The following LONRF1 variants were observed in gnomAD, a reference collection of about 807,000 sequenced individuals.
LONRF1 encodes LON peptidase N-terminal domain and RING finger protein 1.
In LONRF1, 37 loss-of-function variants were observed where a neutral mutation model predicts 85.8. The ratio of observed to expected loss-of-function variants is 0.43; its 90% CI spans 0.33 to 0.57. LONRF1 has a LOEUF of 0.57. Among genes scored for constraint, LONRF1 ranks in the 20% least tolerant of loss-of-function variants. The pLI, the probability that LONRF1 is intolerant of heterozygous loss-of-function variation, is 0.04. For synonymous variants in LONRF1, 517 were observed against 390.1 expected, an observed-to-expected ratio of 1.33 and a Z score of -3.83; for missense variants, 1,036 against 978.0, an observed-to-expected ratio of 1.06 and a Z score of -0.79.
At chr8:12,731,122 C>T (rs1798513079) in intron 8 of LONRF1, among the ~76,000 whole-genome samples, 1 of 152,144 alleles carries the variant, frequency 6.6e-6, no homozygotes, top group South Asian at 2.1e-4. Flanking sequence ...ACAAGCAATG[C>T]CTGGCCCTGC....
rs878915211 is a variant in LONRF1, at chr8:12,740,807, C to CT, written c.963+66dup. 2.1e-3 allele frequency: 2,828 copies of CT among 1,366,630 alleles called. 1 individual carries two copies. The highest frequency in any genetic ancestry group is 3.7e-3 in the South Asian group (261 of 71,472). The allele number at this position is 1,366,630 out of a possible 1,614,324, so 84.7% of individuals were successfully genotyped here. A position where few individuals can be genotyped will look rare whatever the true frequency, so the allele number is the denominator to read the frequency against. The stretch of plus-strand genomic sequence containing the variant: ...ATGTTCTTATTCCAACTTTTATTAG[C>CT]TTTTTTTTTTAAACCTGTCTGCCTC... On this transcript the variant is annotated intron_variant, in intron 3 of 11. Coordinates refer to ENST00000398246, the MANE Select transcript of LONRF1 (RefSeq NM_152271.5).
In LONRF1 at chr8:12,723,089, G is replaced by C; in HGVS notation, c.*7C>G. 6.2e-7 allele frequency: 1 copy of C among 1,606,362 alleles called. No individual in the cohort carries two copies. The highest frequency in any genetic ancestry group is 1.7e-5 in the Admixed American group (1 of 59,014). On this transcript the variant is annotated 3_prime_UTR_variant, in exon 12 of 12. Transcript: ENST00000398246. ...GGGTCACTTTAAAGGGAGATCCAAAGAGTTAGTTACTTAGATTGGTCTCTA... is the reference window on the plus strand; with the variant it reads ...GGGTCACTTTAAAGGGAGATCCAAACAGTTAGTTACTTAGATTGGTCTCTA...
chr8:12,729,208 G>C lies in LONRF1; in HGVS notation c.1813C>G (p.Gln605Glu), dbSNP rs1223698229. 2 of 1,613,932 alleles carry C rather than the reference G, an allele frequency of 1.2e-6. No individual in the cohort carries two copies. Among genetic ancestry groups the C allele is most frequent in the Non-Finnish European group, 1.7e-6 (2 of 1,179,892 alleles). The change falls in exon 9 of 12, where the codon CAG (glutamine) becomes GAG (glutamate). Residue 605 changes from glutamine to glutamate, a missense_variant. Gln to Glu is a conservative substitution (Grantham distance 29, BLOSUM62 2). Transcript: ENST00000398246. ...IRRSIQTGTK[Q>E]FGMCVSDTQN... ...GTATCACTGACACACATGCCAAACT[G>C]TTTGGTTCCAGTCTGTATACTTCTT...
At chr8:12,737,382 A>G in intron 4 of LONRF1, 1 of 664,948 alleles carries the variant, frequency 1.5e-6, no homozygotes, top group East Asian at 2.9e-5. Context: ...AAATATTCTA[A>G]AAAAAAGCCT....
chr8:12,741,281 G>C (rs1188779908), intron 2 of LONRF1, among the ~76,000 whole-genome samples: 1 of 152,160 alleles, frequency 6.6e-6, no homozygotes, highest in Non-Finnish European at 1.5e-5. Context: ...CTAACTGGGA[G>C]GCTAAGGCAT....
At chr8:12,754,629 C>T (rs1799557047) in intron 1 of LONRF1, 71 bp downstream of exon 1, 7 of 1,253,690 alleles carry the variant, frequency 5.6e-6, no homozygotes, top group Non-Finnish European at 7.0e-6. Context: ...CGCAGACAAG[C>T]TCCGGGTCCC....
chr8:12,752,800 A>C (rs1350296436), intron 1 of LONRF1, among the ~76,000 whole-genome samples: 2 of 152,220 alleles, frequency 1.3e-5, no homozygotes, highest in African/African-American at 4.8e-5. Flanking sequence ...CCCCTAATTC[A>C]AGGTCAGATC....
At chr8:12,741,453 T>C (rs946641784) in intron 2 of LONRF1, among the ~76,000 whole-genome samples, 1 of 152,052 alleles carries the variant, frequency 6.6e-6, no homozygotes, top group African/African-American at 2.4e-5. Context: ...TTTAAAGGCA[T>C]ACCTACACAC....
intron 1 of LONRF1, 151 bp downstream of exon 1, chr8:12,754,549 C>T (rs1213961944): frequency 3.3e-6 from 3 of 913,810 alleles, no homozygotes; most frequent in African/African-American, 1.7e-5. Context: ...CCTCCCACAC[C>T]CCCCAGCACC....
rs769839757 is a variant in LONRF1 at position 12,737,950 on chromosome 8, G to A, written c.1113+45C>T. On this transcript the variant is annotated intron_variant, in intron 4 of 11. Transcript: ENST00000398246. Reference sequence around the variant, plus strand: ...GAAAGTGAAGCTCTTAACTCGTAAAGAAATGGATACGCTAAACTCATGATA... The same window carrying A: ...GAAAGTGAAGCTCTTAACTCGTAAAAAAATGGATACGCTAAACTCATGATA... The A allele has an allele frequency of 7.3e-5, 114 of 1,554,460 alleles. 4 individuals are homozygous for A. Among genetic ancestry groups the A allele is most frequent in the Admixed American group, 7.2e-4 (33 of 45,828 alleles).
At chr8:12,729,518 C>T in intron 8 of LONRF1, 186 bp from the exon 9 acceptor site, 2 of 549,422 alleles carry the variant, frequency 3.6e-6, no homozygotes, top group Non-Finnish European at 6.5e-6. Context: ...TAAGCTCACA[C>T]TGATGAAATA....
At chr8:12,754,650 G>A (rs1213083002) in intron 1 of LONRF1, 50 bp downstream of exon 1, 2 of 1,292,492 alleles carry the variant, frequency 1.5e-6, no homozygotes, top group African/African-American at 3.1e-5. Flanking sequence ...CGGCCCTCGG[G>A]GCCAGGAGGG....
intron 1 of LONRF1, among the ~76,000 whole-genome samples, chr8:12,745,230 C>G (rs973494245): frequency 6.6e-6 from 1 of 150,606 alleles, no homozygotes; most frequent in Non-Finnish European, 1.5e-5. Flanking sequence ...ATAAAAAGAG[C>G]CAGATTTTAA....
intron 1 of LONRF1, among the ~76,000 whole-genome samples, chr8:12,745,943 T>A (rs565661623): frequency 2.2e-4 from 34 of 152,314 alleles, no homozygotes; most frequent in Middle Eastern, 6.8e-3. Context: ...TCCTGATTTT[T>A]CACCCTAACT....
At chr8:12,748,568 A>G (rs1799257275) in intron 1 of LONRF1, among the ~76,000 whole-genome samples, 1 of 152,150 alleles carries the variant, frequency 6.6e-6, no homozygotes, top group Non-Finnish European at 1.5e-5. Context: ...ACTTTATTTT[A>G]TACTCCCACA....
chr8:12,723,455 G>T (rs1322252879), intron 11 of LONRF1, among the ~76,000 whole-genome samples: 1 of 152,176 alleles, frequency 6.6e-6, no homozygotes, highest in Admixed American at 6.5e-5. Context: ...AAGATCTCTT[G>T]GCTCTTATGT....
chr8:12,729,522 T>C (rs1044690969), intron 8 of LONRF1, 190 bp from the exon 9 acceptor site: 1 of 539,162 alleles, frequency 1.9e-6, no homozygotes, highest in African/African-American at 1.9e-5. Flanking sequence ...CTCACACTGA[T>C]GAAATATTAA....
intron 1 of LONRF1, among the ~76,000 whole-genome samples, chr8:12,750,204 C>G (rs1031495493): frequency 2.0e-5 from 3 of 152,142 alleles, no homozygotes; most frequent in Admixed American, 6.5e-5. Context: ...GTGTATGGAT[C>G]AATTACGATA....
Position 12,722,357 on chromosome 8 carries a change from C to T in LONRF1, c.*739G>A, listed in dbSNP as rs548948378. 6.6e-6 allele frequency: 1 copy of T among 152,592 alleles called. No individual in the cohort carries two copies. 9.5% of individuals were successfully genotyped at this position (152,592 alleles called of 1,614,324 possible). A position where few individuals can be genotyped will look rare whatever the true frequency, so the allele number is the denominator to read the frequency against. ...CCTTTATGTACAATTAAATGTAAACCATATTTTCACAGTTTTGAGTGTTTT... is the reference window on the plus strand; with the variant it reads ...CCTTTATGTACAATTAAATGTAAACTATATTTTCACAGTTTTGAGTGTTTT... On this transcript the variant is annotated 3_prime_UTR_variant, in exon 12 of 12. Transcript: ENST00000398246.
Sources: allele counts gnomAD v4.1 joint callset (sites outside exome capture counted in the v4.1 genomes callset), GRCh38; gene constraint gnomAD v4.1.1; transcripts MANE v1.5; gene names NCBI Gene and HGNC (gene_info 2026-07-23, HGNC 2026-07-21).